The following CNTNAP2 variants were observed in gnomAD, a reference collection of about 807,000 sequenced individuals.
The protein encoded by CNTNAP2 is contactin-associated protein-like 2.
In CNTNAP2, 98 loss-of-function variants were observed where a neutral mutation model predicts 155.2. That is an observed-to-expected ratio of 0.63 (90% CI 0.54 to 0.75). The LOEUF (loss-of-function observed/expected upper bound fraction) is 0.75. Ranked by LOEUF, CNTNAP2 falls within the 30% of genes least tolerant of loss-of-function variation. CNTNAP2 has a pLI of 0.00. For synonymous variants in CNTNAP2, 651 were observed against 631.2 expected (o/e 1.03, Z -0.47); for missense variants, 1,727 against 1,688.1 (o/e 1.02, Z -0.40).
chr7:147,453,498 C>T (rs982012039), intron 10 of CNTNAP2, among the ~76,000 whole-genome samples: 1 of 152,174 alleles, frequency 6.6e-6, no homozygotes, highest in Admixed American at 6.5e-5. Flanking sequence ...GGGCTTGGTT[C>T]ACAGGAATTA....
At chr7:147,199,844 A>T (rs901564538) in intron 8 of CNTNAP2, among the ~76,000 whole-genome samples, 2 of 152,146 alleles carry the variant, frequency 1.3e-5, no homozygotes, top group African/African-American at 4.8e-5. Flanking sequence ...TGAAAAAAAA[A>T]AATTTTGTTT....
chr7:147,476,928 T>TAA (rs1563219761), intron 10 of CNTNAP2, among the ~76,000 whole-genome samples: 10 of 137,756 alleles, frequency 7.3e-5, no homozygotes, highest in African/African-American at 2.8e-4. Context: ...ACTCTGTCAT[T>TAA]TAAAAAAAAA....
intron 9 of CNTNAP2, among the ~76,000 whole-genome samples, chr7:147,329,433 G>C (rs923163163): frequency 6.6e-6 from 1 of 151,970 alleles, no homozygotes; most frequent in Non-Finnish European, 1.5e-5. Context: ...AAAAGATCCA[G>C]TTTTTTATAG....
rs542691480 is a variant in CNTNAP2 at position 147,338,405 on chromosome 7, T to C, written c.1498+38115T>C. On this transcript the variant is annotated intron_variant, in intron 9 of 23. Transcript: ENST00000361727. Reference sequence around the variant, plus strand: ...TTACAGTGATTGTCTTAATCACCTTTGAAGAGCAAGGGCAGTCTACACTGA... The same window carrying C: ...TTACAGTGATTGTCTTAATCACCTTCGAAGAGCAAGGGCAGTCTACACTGA... Among the ~76,000 whole-genome samples, 12 of 152,244 alleles carry C rather than the reference T, an allele frequency of 7.9e-5. No individual in the cohort carries two copies. The South Asian group carries it at 1.9e-3, about 24-fold the overall frequency.
At chr7:148,383,555 T>C in intron 21 of CNTNAP2, 94 bp from the exon 22 acceptor site, 1 of 1,565,336 alleles carries the variant, frequency 6.4e-7, no homozygotes, top group Non-Finnish European at 8.8e-7. Context: ...GAAACCTAAA[T>C]GTAAGCTTTG....
At chr7:147,766,792 A>T (rs1797390016) in intron 13 of CNTNAP2, among the ~76,000 whole-genome samples, 1 of 152,126 alleles carries the variant, frequency 6.6e-6, no homozygotes, top group Admixed American at 6.6e-5. Context: ...TTCCCCCAAA[A>T]TACTATATCT....
intron 8 of CNTNAP2, among the ~76,000 whole-genome samples, chr7:147,159,399 G>A (rs2116450452): frequency 6.6e-6 from 1 of 152,050 alleles, no homozygotes; most frequent in Middle Eastern, 3.4e-3. Flanking sequence ...GATTAGAGTT[G>A]AACTAAAATA....
chr7:148,340,206 AG>A (rs1490691034), intron 21 of CNTNAP2, among the ~76,000 whole-genome samples: 6 of 152,230 alleles, frequency 3.9e-5, no homozygotes, highest in African/African-American at 1.4e-4. Flanking sequence ...CAATACTAGT[AG>A]GTAATGCTTT....
intron 1 of CNTNAP2, among the ~76,000 whole-genome samples, chr7:146,567,818 T>C (rs1798381752): frequency 6.6e-6 from 1 of 152,112 alleles, no homozygotes; most frequent in East Asian, 1.9e-4. Flanking sequence ...CCTCCCGGGT[T>C]CAGGCCATTC....
At chr7:147,923,067 T>G (rs548218689) in intron 14 of CNTNAP2, among the ~76,000 whole-genome samples, 134 of 149,762 alleles carry the variant, frequency 8.9e-4, no homozygotes, top group African/African-American at 3.3e-3. Context: ...AAGTGTCCAA[T>G]ATAATGATAA....
intron 13 of CNTNAP2, among the ~76,000 whole-genome samples, chr7:147,702,811 C>T (rs1047498158): frequency 6.6e-6 from 1 of 152,098 alleles, no homozygotes; most frequent in African/African-American, 2.4e-5. Flanking sequence ...TTGTAATGCT[C>T]TGCTGTGATG....
intron 18 of CNTNAP2, among the ~76,000 whole-genome samples, chr7:148,210,931 G>T (rs1795536986): frequency 6.6e-6 from 1 of 152,244 alleles, no homozygotes; most frequent in Non-Finnish European, 1.5e-5. Context: ...AAAACTGGTT[G>T]TGTTTCAGCA....
intron 1 of CNTNAP2, among the ~76,000 whole-genome samples, chr7:146,437,586 A>T (rs542964441): frequency 2.0e-5 from 3 of 151,626 alleles, no homozygotes; most frequent in African/African-American, 7.3e-5. Flanking sequence ...ACGTAAGCTT[A>T]TTTAAACCAG....
intron 1 of CNTNAP2, among the ~76,000 whole-genome samples, chr7:146,721,592 ATATTCTATATACATTCTATATATATATT>A: frequency 8.1e-6 from 1 of 123,346 alleles, no homozygotes; most frequent in Non-Finnish European, 1.6e-5. Context: ...TTCTATATAT[ATATTCTATATACATTCTATATATATATT>A]CTATATACAT....
At chr7:147,775,299 AT>A (rs1797555001) in intron 13 of CNTNAP2, among the ~76,000 whole-genome samples, 2 of 48,178 alleles carry the variant, frequency 4.2e-5, no homozygotes, top group African/African-American at 1.6e-4. Context: ...ATATATTTAT[AT>A]ATATTTATAA....
intron 3 of CNTNAP2, among the ~76,000 whole-genome samples, chr7:146,906,212 G>A (rs930701161): frequency 7.2e-5 from 11 of 152,020 alleles, no homozygotes; most frequent in Admixed American, 2.6e-4. Flanking sequence ...CAAGGCGGCA[G>A]CGAGGCTGGG....
In CNTNAP2 at chr7:147,365,326, G is replaced by T. The variant is rs372327973; in HGVS notation, c.1499-30283G>T. Among the ~76,000 whole-genome samples the T allele has an allele frequency of 2.7e-4, 35 of 131,812 alleles. No homozygotes were observed. The East Asian group carries it at 7.4e-3, about 28-fold the overall frequency. 86.5% of individuals were successfully genotyped at this position (131,812 alleles called of 152,430 possible). A position where few individuals can be genotyped will look rare whatever the true frequency, so the allele number is the denominator to read the frequency against. On this transcript the variant is annotated intron_variant, in intron 9 of 23. Coordinates refer to ENST00000361727, the MANE Select transcript of CNTNAP2 (RefSeq NM_014141.6). The stretch of plus-strand genomic sequence containing the variant: ...GGAGGCGGAGGTTGCAGTGAGACGA[G>T]ACCAGGCCATTGCACTCCAGCCTGG...
At chr7:147,378,021 A>C in intron 9 of CNTNAP2, 1 of 467,976 alleles carries the variant, frequency 2.1e-6, no homozygotes, top group South Asian at 1.6e-5. Flanking sequence ...TCTCCTCTGA[A>C]ATTCTATTAA....
chr7:147,109,356 G>C (rs747968765), intron 5 of CNTNAP2, among the ~76,000 whole-genome samples: 2 of 152,158 alleles, frequency 1.3e-5, no homozygotes, highest in Non-Finnish European at 1.5e-5. Flanking sequence ...CCTAGGATTT[G>C]GGCTTGAGCA....
Sources: allele counts gnomAD v4.1 joint callset (sites outside exome capture counted in the v4.1 genomes callset), GRCh38; gene constraint gnomAD v4.1.1; transcripts MANE v1.5; gene names NCBI Gene and HGNC (gene_info 2026-07-23, HGNC 2026-07-21).